RABL6: variants seen among roughly 807,000 people sequenced by gnomAD.
RABL6 encodes the protein RAB, member RAS oncogene family like 6, also known as rab-like protein 6.
Under a neutral mutation model 72.9 loss-of-function variants are expected in RABL6, and 28 were observed. That is an observed-to-expected ratio of 0.38 (90% CI 0.28 to 0.53). The LOEUF (loss-of-function observed/expected upper bound fraction) is 0.53, where lower values mean the gene tolerates loss of function less well. Ranked by LOEUF, RABL6 falls within the 20% of genes least tolerant of loss-of-function variation. The probability of loss-of-function intolerance (pLI) is 0.80; values close to 1 mark genes in which losing one functional copy is unlikely to be tolerated. For synonymous variants in RABL6, 477 were observed against 421.2 expected, an observed-to-expected ratio of 1.13 and a Z score of -1.62; for missense variants, 1,029 against 1,008.4, an observed-to-expected ratio of 1.02 and a Z score of -0.28.
intron 1 of RABL6, 93 bp downstream of exon 1, chr9:136,808,419 C>G: frequency 1.6e-6 from 2 of 1,275,296 alleles, no homozygotes; most frequent in Non-Finnish European, 2.0e-6. Flanking sequence ...TCGGTCTCAC[C>G]TGCTTGCCGG....
intron 1 of RABL6, chr9:136,812,842 G>A: frequency 1.5e-5 from 5 of 328,830 alleles, no homozygotes; most frequent in South Asian, 5.9e-5. Flanking sequence ...CCCAGAAGCT[G>A]CCTCGCCCAC....
Position 136,835,875 on chromosome 9 carries a change from G to C in RABL6, c.809+30G>C, listed in dbSNP as rs755429193. 2.5e-5 allele frequency: 39 copies of C among 1,542,890 alleles called. No homozygotes were observed. The African/African-American group carries it at 4.9e-4, about 20-fold the overall frequency. ...GTGGCCGGACCCGCCCGTGCGGGCG[G>C]TGTGGGGGCTGCGGGCGTGGCCGTG... On this transcript the variant is annotated intron_variant, in intron 8 of 14. Coordinates refer to ENST00000311502, the MANE Select transcript of RABL6 (RefSeq NM_024718.5).
At chr9:136,823,472 G>C in intron 1 of RABL6, 53 bp from the exon 2 acceptor site, 8 of 1,605,362 alleles carry the variant, frequency 5.0e-6, no homozygotes, top group Non-Finnish European at 6.8e-6. Context: ...TAAAGCTGCA[G>C]CTTGGGTTCG....
intron 6 of RABL6, 190 bp downstream of exon 6, chr9:136,832,051 G>T (rs1848488620): frequency 2.0e-5 from 20 of 1,012,224 alleles, no homozygotes; most frequent in Non-Finnish European, 2.8e-5. Context: ...GTGTGCTGGG[G>T]AACTGTGTGC....
intron 7 of RABL6, chr9:136,834,192 A>G (rs1848540671): frequency 1.6e-6 from 2 of 1,247,246 alleles, no homozygotes; most frequent in Admixed American, 3.8e-5. Flanking sequence ...TCACCTAAAA[A>G]TATTTCAAAC....
chr9:136,821,559 G>T lies in RABL6; in HGVS notation c.131-1966G>T, dbSNP rs11145897. 4.7e-5 allele frequency: 46 copies of T among 985,284 alleles called. No homozygotes were observed. In the Middle Eastern group the frequency reaches 1.6e-3, roughly 34 times the overall value. 61.0% of individuals were successfully genotyped at this position (985,284 alleles called of 1,614,324 possible). On this transcript the variant is annotated intron_variant, in intron 1 of 14. Coordinates refer to ENST00000311502, the MANE Select transcript of RABL6 (RefSeq NM_024718.5). ...TGCGAGCCCGGGCTGCTGCTCATCT[G>T]GGGGGGACGGCGGCCGCCCGACTGA...
chr9:136,817,617 G>GGGGAGGCCGACGTGGGCTGAA lies in RABL6; in HGVS notation c.131-5907_131-5906insGGAGGCCGACGTGGGCTGAAG, dbSNP rs1848147390. Among the ~76,000 whole-genome samples the GGGGAGGCCGACGTGGGCTGAA allele has an allele frequency of 2.0e-5, 3 of 152,112 alleles. No homozygotes were observed. In the South Asian group the frequency reaches 6.2e-4, roughly 32 times the overall value. On this transcript the variant is annotated intron_variant, in intron 1 of 14. Coordinates refer to ENST00000311502, the MANE Select transcript of RABL6 (RefSeq NM_024718.5). ...CTGAGGGGAGGCCGACGTGGGCTGA[G>GGGGAGGCCGACGTGGGCTGAA]GTCTCTGTCTGATGAGCACTTGAGA...
At chr9:136,815,570 G>T in intron 1 of RABL6, 1 of 195,240 alleles carries the variant, frequency 5.1e-6, no homozygotes, top group South Asian at 8.7e-5. Context: ...ATCTTTGCAG[G>T]GTGCAGAGTG....
Position 136,808,144 on chromosome 9 carries a change from C to G in RABL6, c.-53C>G. The G allele has an allele frequency of 1.4e-6, 2 of 1,458,416 alleles. No individual in the cohort carries two copies. The highest frequency in any genetic ancestry group is 1.8e-6 in the Non-Finnish European group (2 of 1,099,602). The allele number at this position is 1,458,416 out of a possible 1,614,324, so 90.3% of individuals were successfully genotyped here. ...CATGGTGCCAGTCGCACCCCTTCCC[C>G]GCCGCCGCTGAGCTCGCCGGCCGCG... On this transcript the variant is annotated 5_prime_UTR_variant, in exon 1 of 15. Coordinates refer to ENST00000311502, the MANE Select transcript of RABL6 (RefSeq NM_024718.5).
intron 1 of RABL6, among the ~76,000 whole-genome samples, chr9:136,823,324 C>T (rs546400501): frequency 6.6e-6 from 1 of 152,226 alleles, no homozygotes; most frequent in South Asian, 2.1e-4. Context: ...TGTGTGCTGC[C>T]AGGTGTCCTC....
chr9:136,812,570 AAAAG>A (rs1318354571), intron 1 of RABL6, among the ~76,000 whole-genome samples: 5 of 152,098 alleles, frequency 3.3e-5, no homozygotes, highest in Admixed American at 6.5e-5. Context: ...AAAAAAAAAG[AAAAG>A]AAAGAAAAGT....
intron 1 of RABL6, among the ~76,000 whole-genome samples, chr9:136,817,620 CTCTG>C (rs1353502421): frequency 4.4e-5 from 3 of 67,480 alleles, no homozygotes; most frequent in South Asian, 4.6e-4. Context: ...GGGCTGAGGT[CTCTG>C]TCTGATGAGC....
At position 136,818,940 on chromosome 9, in the gene RABL6, A is replaced by G. The variant is rs116941342; in HGVS notation, c.131-4585A>G. Reference sequence around the variant, plus strand: ...TTCAGACTTCACTGCAGCAGATGTGAGTGTTGAAAACTTAAGGGTTCCCAA... The same window carrying G: ...TTCAGACTTCACTGCAGCAGATGTGGGTGTTGAAAACTTAAGGGTTCCCAA... On this transcript the variant is annotated intron_variant, in intron 1 of 14. Coordinates refer to ENST00000311502, the MANE Select transcript of RABL6 (RefSeq NM_024718.5). 1.4e-4 allele frequency among the ~76,000 whole-genome samples: 22 copies of G among 152,322 alleles called. No homozygotes were observed. In the East Asian group the frequency reaches 4.2e-3, roughly 29 times the overall value.
chr9:136,825,301 C>T (rs562061043), intron 2 of RABL6, among the ~76,000 whole-genome samples: 10 of 152,392 alleles, frequency 6.6e-5, no homozygotes, highest in African/African-American at 1.9e-4. Flanking sequence ...CCCATTCATT[C>T]GCACCTGTCA....
intron 7 of RABL6, among the ~76,000 whole-genome samples, chr9:136,834,837 C>T (rs998234317): frequency 6.6e-6 from 1 of 151,348 alleles, no homozygotes; most frequent in Admixed American, 6.6e-5. Context: ...CCTATAATCC[C>T]AGCTGTTAGG....
At chr9:136,837,308 A>G in intron 8 of RABL6, 38 bp from the exon 9 acceptor site, 1 of 1,568,356 alleles carries the variant, frequency 6.4e-7, no homozygotes, top group Non-Finnish European at 8.7e-7. Flanking sequence ...AGGGAGAGGC[A>G]GGGGAGCCAG....
intron 1 of RABL6, chr9:136,809,404 C>T: frequency 3.7e-6 from 1 of 269,146 alleles, no homozygotes; most frequent in Non-Finnish European, 7.9e-6. Context: ...ACCACTCGGG[C>T]CACCCTCACC....
chr9:136,815,470 C>T (rs73668373), intron 1 of RABL6: 12,149 of 272,102 alleles, frequency 0.045, 873 homozygotes, highest in African/African-American at 0.18. Flanking sequence ...CCTCCTTCTG[C>T]CTCCTTTGGG....
intron 7 of RABL6, chr9:136,834,398 A>G (rs1055738143): frequency 1.0e-6 from 1 of 987,870 alleles, no homozygotes; most frequent in African/African-American, 1.7e-5. Flanking sequence ...TTCACACATT[A>G]CATTTGGTTG....
Sources: allele counts gnomAD v4.1 joint callset (sites outside exome capture counted in the v4.1 genomes callset), GRCh38; gene constraint gnomAD v4.1.1; transcripts MANE v1.5; gene names NCBI Gene and HGNC (gene_info 2026-07-23, HGNC 2026-07-21).